Variants in DOCK4 observed in about 807,000 individuals in gnomAD.
The protein encoded by DOCK4 is dedicator of cytokinesis 4.
In DOCK4, 97 loss-of-function variants were observed where a neutral mutation model predicts 268.1. That is an observed-to-expected ratio of 0.36 (90% confidence interval 0.31 to 0.43). DOCK4 has a LOEUF of 0.43. Among genes scored for constraint, DOCK4 ranks in the 20% least tolerant of loss-of-function variants. The pLI is 1.00. For missense variants in DOCK4, 2,145 were observed against 2,455.7 expected (o/e 0.87, Z 2.67); for synonymous variants, 954 against 887.2 (o/e 1.08, Z -1.34).
chr7:111,896,486 GGTT>G (rs1171138973), intron 15 of DOCK4, among the ~76,000 whole-genome samples: 9 of 134,004 alleles, frequency 6.7e-5, no homozygotes, highest in Admixed American at 1.4e-4. Flanking sequence ...TTTCCACCAA[GGTT>G]TTTTTTTTTT....
intron 1 of DOCK4, among the ~76,000 whole-genome samples, chr7:112,068,103 C>T (rs1807251391): frequency 6.6e-6 from 1 of 152,188 alleles, no homozygotes; most frequent in Non-Finnish European, 1.5e-5. Context: ...TCTTTGTTCA[C>T]ACATAATCTG....
chr7:112,157,761 T>C (rs1307654723), intron 1 of DOCK4, among the ~76,000 whole-genome samples: 3 of 152,136 alleles, frequency 2.0e-5, no homozygotes, highest in Non-Finnish European at 2.9e-5. Flanking sequence ...GCACAGGGCA[T>C]GTGCTGAAAA....
Position 112,136,805 on chromosome 7 carries a change from G to C in DOCK4, c.37+69297C>G, listed in dbSNP as rs545038029. ...TGATGGATAATTTGAAAAATGAAAA[G>C]AGAGAGAGAGAGGGCTGACATTTTC... On this transcript the variant is annotated intron_variant, in intron 1 of 52. Transcript: ENST00000428084. Among the ~76,000 whole-genome samples, 12 of 152,050 alleles carry C rather than the reference G, an allele frequency of 7.9e-5. No individual in the cohort carries two copies. In the South Asian group the frequency reaches 2.5e-3, roughly 32 times the overall value.
At chr7:111,892,972 A>G (rs921308790) in intron 16 of DOCK4, among the ~76,000 whole-genome samples, 1 of 152,210 alleles carries the variant, frequency 6.6e-6, no homozygotes, top group Non-Finnish European at 1.5e-5. Flanking sequence ...ATGGAGCTAT[A>G]CAATGTAGGT....
intron 13 of DOCK4, among the ~76,000 whole-genome samples, chr7:111,910,249 C>T (rs978169953): frequency 2.6e-5 from 4 of 152,202 alleles, no homozygotes; most frequent in Non-Finnish European, 5.9e-5. Context: ...CATGCCATTC[C>T]TGATACATCA....
intron 1 of DOCK4, among the ~76,000 whole-genome samples, chr7:112,049,739 G>A (rs1386314416): frequency 2.0e-5 from 3 of 152,166 alleles, no homozygotes; most frequent in Non-Finnish European, 4.4e-5. Context: ...GTAGATTTCA[G>A]GGCATAAGAT....
At chr7:111,956,716 C>G (rs1796479827) in intron 8 of DOCK4, among the ~76,000 whole-genome samples, 1 of 152,072 alleles carries the variant, frequency 6.6e-6, no homozygotes, top group Non-Finnish European at 1.5e-5. Context: ...GTAATGTGAC[C>G]ACCTTCTTCT....
At chr7:111,758,853 C>T in intron 40 of DOCK4, 63 bp from the exon 41 acceptor site, 1 of 1,512,004 alleles carries the variant, frequency 6.6e-7, no homozygotes, top group Non-Finnish European at 9.1e-7. Flanking sequence ...CTGGCTTGGG[C>T]TGAGCTATGG....
At chr7:111,734,649 CTATT>C (rs2133386082) in intron 51 of DOCK4, among the ~76,000 whole-genome samples, 1 of 152,246 alleles carries the variant, frequency 6.6e-6, no homozygotes, top group East Asian at 1.9e-4. Context: ...TAGTCAATGG[CTATT>C]TAGAGGCAAC....
intron 1 of DOCK4, among the ~76,000 whole-genome samples, chr7:112,010,372 G>T (rs912144955): frequency 6.6e-6 from 1 of 152,164 alleles, no homozygotes; most frequent in African/African-American, 2.4e-5. Flanking sequence ...GTATAGCATA[G>T]AACTGTTTTT....
intron 1 of DOCK4, among the ~76,000 whole-genome samples, chr7:112,187,369 C>T (rs1189284640): frequency 7.9e-5 from 12 of 152,126 alleles, no homozygotes; most frequent in Non-Finnish European, 1.5e-4. Context: ...TGTCTACATG[C>T]GAATAATTTC....
chr7:111,850,592 T>C (rs948532071), intron 23 of DOCK4, among the ~76,000 whole-genome samples: 2 of 152,066 alleles, frequency 1.3e-5, no homozygotes, highest in Non-Finnish European at 2.9e-5. Context: ...ATAAGTGAAA[T>C]TAGTCAGTTC....
At chr7:111,779,407 T>C (rs778801807) in intron 35 of DOCK4, among the ~76,000 whole-genome samples, 23 of 152,196 alleles carry the variant, frequency 1.5e-4, no homozygotes, top group Non-Finnish European at 2.6e-4. Flanking sequence ...ATGTTGGCTA[T>C]TTTATTTTTA....
chr7:112,176,962 C>T (rs1818588743), intron 1 of DOCK4, among the ~76,000 whole-genome samples: 1 of 152,114 alleles, frequency 6.6e-6, no homozygotes, highest in African/African-American at 2.4e-5. Context: ...CCTTTAGTGA[C>T]ATAAGTTCCC....
chr7:111,942,702 C>T (rs1795305105), intron 10 of DOCK4, among the ~76,000 whole-genome samples: 1 of 152,064 alleles, frequency 6.6e-6, no homozygotes, highest in Admixed American at 6.6e-5. Context: ...CCAAACTACT[C>T]ACCCCGCCAC....
chr7:112,000,912 A>G (rs1325877295), intron 2 of DOCK4, among the ~76,000 whole-genome samples: 13 of 152,178 alleles, frequency 8.5e-5, no homozygotes. Context: ...AGGCCACATT[A>G]TGTCACAGGG....
Position 112,121,830 on chromosome 7 carries a change from C to G in DOCK4, c.37+84272G>C, listed in dbSNP as rs550129924. 3.9e-5 allele frequency among the ~76,000 whole-genome samples: 6 copies of G among 152,266 alleles called. No homozygotes were observed. The South Asian group carries it at 1.2e-3, about 32-fold the overall frequency. On this transcript the variant is annotated intron_variant, in intron 1 of 52. Transcript: ENST00000428084. ...ACTCATGCGCTGAAACTGCTCTTAT[C>G]AAAGTCATGACCTTCCTGGTGCAAA...
At chr7:111,926,120 A>AAAAG (rs71524823) in intron 12 of DOCK4, among the ~76,000 whole-genome samples, 2,815 of 135,164 alleles carry the variant, frequency 0.021, 53 homozygotes, top group Middle Eastern at 0.031. Flanking sequence ...GAGAAAGAGA[A>AAAAG]AAAGAAAGAA....
At chr7:111,743,845 A>T (rs1443900737) in intron 44 of DOCK4, among the ~76,000 whole-genome samples, 2 of 152,208 alleles carry the variant, frequency 1.3e-5, no homozygotes, top group African/African-American at 4.8e-5. Flanking sequence ...TTAGAGACAG[A>T]GTCTCACTCT....
Sources: allele counts gnomAD v4.1 joint callset (sites outside exome capture counted in the v4.1 genomes callset), GRCh38; gene constraint gnomAD v4.1.1; transcripts MANE v1.5; gene names NCBI Gene and HGNC (gene_info 2026-07-23, HGNC 2026-07-21).